Variants in PDE10A observed in about 807,000 individuals in gnomAD.
The protein encoded by PDE10A is phosphodiesterase 10A, also known as cAMP and cAMP-inhibited cGMP 3',5'-cyclic phosphodiesterase 10A.
PDE10A carries 39 observed loss-of-function variants against 97.7 expected under a neutral mutation model. The observed-to-expected ratio is 0.40, with a 90% CI of 0.31 to 0.52. The LOEUF is 0.52. Among genes scored for constraint, PDE10A ranks in the 20% least tolerant of loss-of-function variants. The pLI, the probability that PDE10A is intolerant of heterozygous loss-of-function variation, is 0.56. For missense variants in PDE10A, 731 were observed against 1,047.8 expected, an observed-to-expected ratio of 0.70 and a Z score of 4.17; for synonymous variants, 371 against 376.8, an observed-to-expected ratio of 0.98 and a Z score of 0.18.
chr6:165,915,800 C>T (rs1782589936), intron 1 of PDE10A, among the ~76,000 whole-genome samples: 1 of 152,228 alleles, frequency 6.6e-6, no homozygotes, highest in African/African-American at 2.4e-5. Context: ...GGCTTCTTTA[C>T]TTTCCTGCTT....
chr6:165,974,696 G>C (rs1371370149), intron 1 of PDE10A, among the ~76,000 whole-genome samples: 1 of 152,180 alleles, frequency 6.6e-6, no homozygotes, highest in Non-Finnish European at 1.5e-5. Context: ...CCTTCTCTGG[G>C]ACCACAGTAT....
chr6:165,963,074 A>T lies in PDE10A; in HGVS notation c.-615+24455T>A, dbSNP rs186518489. Among the ~76,000 whole-genome samples, 766 of 152,356 alleles carry T rather than the reference A, an allele frequency of 5.0e-3. 10 individuals carry two copies. In the South Asian group the frequency reaches 0.066, roughly 13 times the overall value. On this transcript the variant is annotated intron_variant, in intron 1 of 19. Transcript: ENST00000366882. The stretch of plus-strand genomic sequence containing the variant: ...ATTTGTCATATGTTAACACAGAAGA[A>T]CATATGACTAATGTGTTGAATGAAG...
At chr6:165,680,791 C>A (rs1164096218) in intron 1 of PDE10A, among the ~76,000 whole-genome samples, 2 of 152,142 alleles carry the variant, frequency 1.3e-5, no homozygotes, top group Admixed American at 6.5e-5. Flanking sequence ...GTAATCCCAG[C>A]TACTATCGCT....
intron 1 of PDE10A, among the ~76,000 whole-genome samples, chr6:165,606,026 G>A (rs1315900036): frequency 2.0e-5 from 3 of 152,120 alleles, no homozygotes; most frequent in African/African-American, 7.2e-5. Context: ...ACCTAGTACA[G>A]AGCTGGGCAC....
chr6:165,862,969 C>A (rs1301814879), intron 1 of PDE10A, among the ~76,000 whole-genome samples: 1 of 152,228 alleles, frequency 6.6e-6, no homozygotes, highest in African/African-American at 2.4e-5. Context: ...CATGAGCCAC[C>A]ACACCCGGCC....
At chr6:165,477,801 T>C (rs1312187751) in intron 3 of PDE10A, among the ~76,000 whole-genome samples, 1 of 152,234 alleles carries the variant, frequency 6.6e-6, no homozygotes, top group Non-Finnish European at 1.5e-5. Flanking sequence ...AAAGATGGAA[T>C]GAAGGTGAAA....
At chr6:165,492,686 T>C (rs1250636847) in intron 2 of PDE10A, among the ~76,000 whole-genome samples, 3 of 152,156 alleles carry the variant, frequency 2.0e-5, no homozygotes, top group Non-Finnish European at 4.4e-5. Context: ...AAAAGGGACA[T>C]ACCTTAAGGT....
chr6:165,361,788 T>C (rs1443045422), intron 18 of PDE10A, among the ~76,000 whole-genome samples: 2 of 152,198 alleles, frequency 1.3e-5, no homozygotes, highest in African/African-American at 4.8e-5. Context: ...CTTACTGTCC[T>C]TCTGAACCCT....
chr6:165,331,836 C>G lies in PDE10A; in HGVS notation c.*1189G>C, dbSNP rs1781358068. ...AACCCACAGGCTTCTATGGAGTGAT[C>G]TGATCTGTGAGAAGAGTAAAGAGAA... On this transcript the variant is annotated 3_prime_UTR_variant, in exon 22 of 22. Coordinates refer to ENST00000539869, the MANE Select transcript of PDE10A (RefSeq NM_001385079.1). The G allele has an allele frequency of 6.6e-6, 1 of 152,168 alleles. No homozygotes were observed. The highest frequency in any genetic ancestry group is 2.4e-5 in the African/African-American group (1 of 41,426). The allele number at this position is 152,168 out of a possible 1,614,324, so 9.4% of individuals were successfully genotyped here. A position where few individuals can be genotyped will look rare whatever the true frequency, so the allele number is the denominator to read the frequency against.
intron 18 of PDE10A, among the ~76,000 whole-genome samples, chr6:165,347,562 C>T (rs1021621607): frequency 6.6e-6 from 1 of 151,984 alleles, no homozygotes; most frequent in African/African-American, 2.4e-5. Context: ...AAATGACTAC[C>T]ACAGAGGGAA....
intron 1 of PDE10A, among the ~76,000 whole-genome samples, chr6:165,571,554 T>C (rs554938374): frequency 2.2e-4 from 33 of 152,358 alleles, no homozygotes; most frequent in African/African-American, 7.2e-4. Context: ...GACAGTTTTC[T>C]TCACATTTTG....
intron 18 of PDE10A, among the ~76,000 whole-genome samples, chr6:165,361,732 C>T (rs954483162): frequency 2.6e-5 from 4 of 152,092 alleles, no homozygotes; most frequent in Admixed American, 1.3e-4. Context: ...ACTACAAATG[C>T]CTGAAGTTGC....
At chr6:165,693,092 T>C (rs1397812760) in intron 1 of PDE10A, among the ~76,000 whole-genome samples, 1 of 152,214 alleles carries the variant, frequency 6.6e-6, no homozygotes, top group Non-Finnish European at 1.5e-5. Context: ...CTCCAATTTG[T>C]TTGAAACATT....
At chr6:165,973,267 A>C (rs1784746209) in intron 1 of PDE10A, among the ~76,000 whole-genome samples, 1 of 152,044 alleles carries the variant, frequency 6.6e-6, no homozygotes, top group Admixed American at 6.5e-5. Context: ...AAAAATGTAA[A>C]AATTAGCCAG....
chr6:165,506,809 G>C (rs1377443474), intron 2 of PDE10A, among the ~76,000 whole-genome samples: 1 of 152,064 alleles, frequency 6.6e-6, no homozygotes, highest in African/African-American at 2.4e-5. Context: ...TAACACATTG[G>C]TTTCTCTGGT....
At chr6:165,849,781 C>T (rs1172094382) in intron 1 of PDE10A, among the ~76,000 whole-genome samples, 1 of 151,554 alleles carries the variant, frequency 6.6e-6, no homozygotes, top group African/African-American at 2.4e-5. Flanking sequence ...TGAATGACTA[C>T]AGTTTGTCAG....
intron 1 of PDE10A, among the ~76,000 whole-genome samples, chr6:165,976,432 GA>G (rs1562337995): frequency 1.3e-5 from 2 of 151,996 alleles, no homozygotes; most frequent in Non-Finnish European, 2.9e-5. Context: ...TTCAAGTTAA[GA>G]AAAAAATGGC....
chr6:165,340,791 T>C lies in PDE10A; in HGVS notation c.2896-1433A>G, dbSNP rs150851243. On this transcript the variant is annotated intron_variant, in intron 19 of 21. Coordinates refer to ENST00000539869, the MANE Select transcript of PDE10A (RefSeq NM_001385079.1). ...CCTAAATGGCAGCTAGGGGCTGAGA[T>C]GGGGAATATGCCTGCACAGACAGTG... is the stretch of plus-strand genomic sequence containing the variant. Among the ~76,000 whole-genome samples, 891 of 152,146 alleles carry C rather than the reference T, an allele frequency of 5.9e-3. 12 individuals carry two copies. The highest frequency in any genetic ancestry group is 0.02 in the African/African-American group (830 of 41,518).
intron 5 of PDE10A, among the ~76,000 whole-genome samples, chr6:165,437,905 T>C (rs1162390915): frequency 1.3e-5 from 2 of 152,234 alleles, no homozygotes; most frequent in Non-Finnish European, 2.9e-5. Context: ...TAATTGAGGA[T>C]CAGTCACTGG....
Sources: allele counts gnomAD v4.1 joint callset (sites outside exome capture counted in the v4.1 genomes callset), GRCh38; gene constraint gnomAD v4.1.1; transcripts MANE v1.5; gene names NCBI Gene and HGNC (gene_info 2026-07-23, HGNC 2026-07-21).